IFT140: variants seen among roughly 807,000 people sequenced by gnomAD.
The protein encoded by IFT140 is intraflagellar transport protein 140 homolog.
A neutral mutation model predicts 164.6 loss-of-function variants in IFT140; 133 were observed. The observed-to-expected ratio is 0.81, with a 90% confidence interval of 0.70 to 0.93. The LOEUF (loss-of-function observed/expected upper bound fraction) is 0.93. IFT140 is among the 40% of genes least tolerant of loss of function. The pLI is 0.00. For missense variants in IFT140, 2,045 were observed against 1,972.3 expected (o/e 1.04, Z -0.70); for synonymous variants, 860 against 817.3 (o/e 1.05, Z -0.89).
chr16:1,537,391 C>T (rs533353163), intron 19 of IFT140, among the ~76,000 whole-genome samples: 20 of 152,352 alleles, frequency 1.3e-4, no homozygotes, highest in African/African-American at 4.3e-4. Flanking sequence ...GCTCGTCACT[C>T]GCAAACATCA....
chr16:1,568,365 G>A (rs372160698), intron 14 of IFT140, 31 bp from the exon 15 acceptor site: 25 of 1,541,560 alleles, frequency 1.6e-5, no homozygotes, highest in African/African-American at 6.8e-5. Context: ...CTCAGTGCCC[G>A]CCAGAGGCCC....
chr16:1,552,425 G>A (rs185568340), intron 19 of IFT140, among the ~76,000 whole-genome samples: 174 of 152,054 alleles, frequency 1.1e-3, no homozygotes, highest in Middle Eastern at 0.01. Flanking sequence ...TCTGAGCCCT[G>A]ACACCAGCAC....
At chr16:1,558,627 G>A (rs563064674) in intron 18 of IFT140, among the ~76,000 whole-genome samples, 19 of 152,280 alleles carry the variant, frequency 1.2e-4, no homozygotes, top group Admixed American at 7.8e-4. Context: ...CCTGGAAATC[G>A]GTGCTCCCGA....
At chr16:1,513,184 C>T (rs1232806899) in intron 30 of IFT140, 1 of 152,186 alleles carries the variant, frequency 6.6e-6, no homozygotes, top group Non-Finnish European at 1.5e-5. Flanking sequence ...ATGTTGGCTA[C>T]AACAGAATTA....
rs536032896 is a variant in IFT140 at position 1,549,252 on chromosome 16, C to T, written c.2399+8683G>A. Among the ~76,000 whole-genome samples, 14 of 152,338 alleles carry T rather than the reference C, an allele frequency of 9.2e-5. No homozygotes were observed. In the South Asian group the frequency reaches 1.5e-3, roughly 16 times the overall value. On this transcript the variant is annotated intron_variant, in intron 19 of 30. Transcript: ENST00000426508. The stretch of plus-strand genomic sequence containing the variant: ...GACGCTGCTCTCCACACAGAAGTCA[C>T]GTAAATGCAAAATTTTACTTAGCCT...
intron 19 of IFT140, among the ~76,000 whole-genome samples, chr16:1,543,222 G>A (rs940694993): frequency 9.2e-5 from 14 of 152,262 alleles, no homozygotes; most frequent in Admixed American, 9.2e-4. Flanking sequence ...CCGGTGCAGC[G>A]TTCTGCAGGT....
At chr16:1,608,088 G>C (rs2036165369) in intron 2 of IFT140, among the ~76,000 whole-genome samples, 1 of 136,956 alleles carries the variant, frequency 7.3e-6, no homozygotes, top group South Asian at 2.5e-4. Context: ...GAAGACAGAA[G>C]TCTTCCTCTA....
Position 1,525,329 on chromosome 16 carries a change from G to A in IFT140, c.2769-3C>T. On this transcript the variant is annotated splice_polypyrimidine_tract_variant and splice_region_variant and intron_variant, in intron 21 of 30. Coordinates refer to ENST00000426508, the MANE Select transcript of IFT140 (RefSeq NM_014714.4). Reference sequence around the variant, plus strand: ...GGTGCGTGTCCGACTTCTCGTAGCTGTGAGAGAAGGAGACAGAGGTCCTCG... The same window carrying A: ...GGTGCGTGTCCGACTTCTCGTAGCTATGAGAGAAGGAGACAGAGGTCCTCG... 1.2e-6 allele frequency: 2 copies of A among 1,608,552 alleles called. No individual in the cohort carries two copies. Among genetic ancestry groups the A allele is most frequent in the Non-Finnish European group, 1.7e-6 (2 of 1,177,614 alleles).
intron 13 of IFT140, chr16:1,580,100 C>T (rs2034479353): frequency 6.6e-6 from 1 of 152,172 alleles, no homozygotes; most frequent in Non-Finnish European, 1.5e-5. Context: ...CACGTTAAGC[C>T]CAGCAAGGAT....
chr16:1,601,372 G>C (rs142390870), intron 4 of IFT140, among the ~76,000 whole-genome samples: 1,876 of 152,192 alleles, frequency 0.012, 23 homozygotes, highest in Non-Finnish European at 0.016. Context: ...CTGGAGAAAT[G>C]TGAACATAAA....
intron 4 of IFT140, among the ~76,000 whole-genome samples, chr16:1,597,144 C>T (rs2035503086): frequency 6.6e-6 from 1 of 152,182 alleles, no homozygotes; most frequent in Non-Finnish European, 1.5e-5. Context: ...GCTGGCCCCA[C>T]ATCAGGGTGC....
chr16:1,562,880 G>A (rs1027515819), intron 17 of IFT140, among the ~76,000 whole-genome samples: 5 of 152,178 alleles, frequency 3.3e-5, no homozygotes, highest in African/African-American at 1.2e-4. Flanking sequence ...TGCTCTGTGG[G>A]TCCATTGCAC....
rs2033197354 is a variant in IFT140, at chr16:1,557,987, CAAAG to C, written c.2343_2346del (p.Phe781LeufsTer4). 6.2e-7 allele frequency: 1 copy of C among 1,613,812 alleles called. No individual in the cohort carries two copies. Among genetic ancestry groups the C allele is most frequent in the South Asian group, 1.1e-5 (1 of 91,074 alleles). On this transcript the variant is annotated frameshift_variant, in exon 19 of 31. Coordinates refer to ENST00000426508, the MANE Select transcript of IFT140 (RefSeq NM_014714.4). LOFTEE classifies it high-confidence loss of function. The stretch of plus-strand genomic sequence containing the variant: ...GCTTCGTCCATGTCTCCTATGGTGA[CAAAG>C]AAGCTGAAGTGGAGCATGGCGTCCC...
chr16:1,516,385 T>C (rs1193265649), intron 30 of IFT140, among the ~76,000 whole-genome samples: 1 of 152,014 alleles, frequency 6.6e-6, no homozygotes, highest in Admixed American at 6.6e-5. Flanking sequence ...GTGGTAAGTA[T>C]GTTTATGGTA....
chr16:1,563,563 T>C (rs1323515614), intron 17 of IFT140, among the ~76,000 whole-genome samples: 2 of 151,978 alleles, frequency 1.3e-5, no homozygotes. Context: ...ACAGTAAGTG[T>C]GGAGCTGGCC....
chr16:1,609,155 A>G (rs897739992), intron 2 of IFT140, among the ~76,000 whole-genome samples: 1 of 152,154 alleles, frequency 6.6e-6, no homozygotes. Flanking sequence ...ACTGTTTAAA[A>G]AAAAAAGGGG....
At chr16:1,542,435 T>C (rs971748038) in intron 19 of IFT140, among the ~76,000 whole-genome samples, 3 of 152,192 alleles carry the variant, frequency 2.0e-5, no homozygotes, top group Non-Finnish European at 4.4e-5. Context: ...TCCTGCCCCT[T>C]CCTCAATGCT....
intron 2 of IFT140, chr16:1,609,816 A>G (rs1239547345): frequency 6.6e-6 from 1 of 152,248 alleles, no homozygotes; most frequent in East Asian, 1.9e-4. Flanking sequence ...GTACTTGATG[A>G]CAATCTGTAA....
chr16:1,539,291 C>G (rs991259739), intron 19 of IFT140, among the ~76,000 whole-genome samples: 2 of 151,996 alleles, frequency 1.3e-5, no homozygotes, highest in African/African-American at 4.8e-5. Context: ...CCAAGCCGCA[C>G]AGTGCCAGTG....
Sources: gnomAD v4.1 joint callset for allele counts (sites outside exome capture counted in the v4.1 genomes callset) on GRCh38, gnomAD v4.1.1 for gene constraint, MANE v1.5 for transcripts, NCBI Gene and HGNC (gene_info 2026-07-23, HGNC 2026-07-21) for gene names.